The following TASP1 variants were observed in gnomAD, a reference collection of about 807,000 sequenced individuals.
TASP1 encodes taspase 1, also known as threonine aspartase 1.
In TASP1, 16 loss-of-function variants were observed where a neutral mutation model predicts 56.6. The observed-to-expected ratio is 0.28, with a 90% CI of 0.19 to 0.43. The LOEUF is 0.43. Ranked by LOEUF, TASP1 falls within the 20% of genes least tolerant of loss-of-function variation. The probability of loss-of-function intolerance (pLI) is 1.00; values close to 1 mark genes in which losing one functional copy is unlikely to be tolerated. For synonymous variants in TASP1, 179 were observed against 184.2 expected (o/e 0.97, Z 0.23); for missense variants, 393 against 511.6 (o/e 0.77, Z 2.24).
chr20:13,149,343 C>A, the TASP1 span, among the ~76,000 whole-genome samples: 1 of 152,184 alleles, frequency 6.6e-6, no homozygotes, highest in Non-Finnish European at 1.5e-5. Context: ...GGACATGCAC[C>A]AAATATTGCT....
intron 10 of TASP1, among the ~76,000 whole-genome samples, chr20:13,485,018 A>G (rs1359247958): frequency 6.6e-6 from 1 of 152,188 alleles, no homozygotes; most frequent in Non-Finnish European, 1.5e-5. Context: ...ATTAGGAGAA[A>G]TACCTAATGT....
In TASP1 at chr20:13,438,949, CAAT is replaced by C. The variant is rs570777576; in HGVS notation, c.986-3798_986-3796del. On this transcript the variant is annotated intron_variant, in intron 11 of 13. Transcript: ENST00000337743. ...ATTAGAGAAATGCATATCAAAACCACAATGAGACACCATCTCACATCAGTTAGA... is the reference window on the plus strand; with the variant it reads ...ATTAGAGAAATGCATATCAAAACCACGAGACACCATCTCACATCAGTTAGA... Among the ~76,000 whole-genome samples, 51 of 152,288 alleles carry C rather than the reference CAAT, an allele frequency of 3.3e-4. 2 individuals are homozygous for C. The East Asian group carries it at 9.8e-3, about 29-fold the overall frequency.
chr20:13,395,143 T>C (rs938508693), intron 13 of TASP1, among the ~76,000 whole-genome samples: 2 of 152,240 alleles, frequency 1.3e-5, no homozygotes, highest in African/African-American at 2.4e-5. Context: ...AGAGAGATCA[T>C]TGGAGGCATG....
the TASP1 span, among the ~76,000 whole-genome samples, chr20:13,374,737 GT>G: frequency 6.6e-6 from 1 of 152,138 alleles, no homozygotes; most frequent in Non-Finnish European, 1.5e-5. Flanking sequence ...TCTGGGTCTT[GT>G]TTTTGTTGCT....
chr20:13,108,606 G>A, the TASP1 span, among the ~76,000 whole-genome samples: 5 of 152,192 alleles, frequency 3.3e-5, no homozygotes, highest in African/African-American at 1.2e-4. Flanking sequence ...ACAGAGTCTC[G>A]TTCTGTCACC....
At chr20:13,164,056 C>A in the TASP1 span, among the ~76,000 whole-genome samples, 6 of 152,014 alleles carry the variant, frequency 3.9e-5, no homozygotes, top group Non-Finnish European at 8.8e-5. Flanking sequence ...CCTCCCCACT[C>A]CCCCCATCCC....
chr20:13,581,677 C>A (rs112723315), intron 5 of TASP1, among the ~76,000 whole-genome samples: 3,425 of 152,234 alleles, frequency 0.022, 54 homozygotes, highest in Middle Eastern at 0.048. Context: ...TAAACACTGT[C>A]AGGATGACAA....
chr20:13,533,995 T>G, intron 9 of TASP1, 27 bp downstream of exon 9: 1 of 1,589,524 alleles, frequency 6.3e-7, no homozygotes. Context: ...TTTGAAAGGC[T>G]AGTTTAAAAA....
chr20:13,470,903 C>T (rs891063850), intron 11 of TASP1, among the ~76,000 whole-genome samples: 18 of 152,138 alleles, frequency 1.2e-4, no homozygotes, highest in Non-Finnish European at 2.2e-4. Flanking sequence ...AAATACATTG[C>T]AATCCTTTCA....
chr20:13,383,679 T>C, the TASP1 span, among the ~76,000 whole-genome samples: 1 of 152,176 alleles, frequency 6.6e-6, no homozygotes, highest in Non-Finnish European at 1.5e-5. Flanking sequence ...TGAGCCTGCA[T>C]GGAGTAAGAA....
the TASP1 span, among the ~76,000 whole-genome samples, chr20:13,161,306 T>A: frequency 6.6e-6 from 1 of 152,140 alleles, no homozygotes; most frequent in Non-Finnish European, 1.5e-5. Flanking sequence ...TAGAATGAGC[T>A]CAGTCCTAGA....
chr20:13,453,126 AC>A (rs906264376), intron 11 of TASP1, among the ~76,000 whole-genome samples: 6 of 152,110 alleles, frequency 3.9e-5, no homozygotes, highest in African/African-American at 1.4e-4. Context: ...TAATGTAGAG[AC>A]CACTAGATCT....
At chr20:13,241,238 G>A in the TASP1 span, among the ~76,000 whole-genome samples, 4 of 152,130 alleles carry the variant, frequency 2.6e-5, no homozygotes, top group Non-Finnish European at 5.9e-5. Flanking sequence ...TTGGGTAAAG[G>A]AACAAATGGA....
intron 13 of TASP1, among the ~76,000 whole-genome samples, chr20:13,414,923 G>A (rs1178317198): frequency 2.0e-5 from 3 of 151,958 alleles, no homozygotes; most frequent in Non-Finnish European, 4.4e-5. Context: ...TACGCAATAT[G>A]ATTTTTAGCT....
intron 1 of TASP1, among the ~76,000 whole-genome samples, chr20:13,636,168 CAG>C (rs1314280054): frequency 9.4e-6 from 1 of 106,058 alleles, no homozygotes; most frequent in African/African-American, 3.7e-5. Context: ...TTTTTTGAGA[CAG>C]AGTCTCACTC....
At chr20:13,247,629 A>G in the TASP1 span, among the ~76,000 whole-genome samples, 1 of 151,882 alleles carries the variant, frequency 6.6e-6, no homozygotes, top group African/African-American at 2.4e-5. Context: ...AAAACCCACC[A>G]TCTAGGCCTC....
chr20:13,524,358 T>C (rs2044888997), intron 10 of TASP1, among the ~76,000 whole-genome samples: 1 of 152,196 alleles, frequency 6.6e-6, no homozygotes, highest in Admixed American at 6.5e-5. Flanking sequence ...TGAAAAATTA[T>C]GTGTGAATTC....
the TASP1 span, among the ~76,000 whole-genome samples, chr20:13,186,497 T>C: frequency 2.6e-5 from 4 of 152,130 alleles, no homozygotes; most frequent in Non-Finnish European, 5.9e-5. Context: ...GGAAAATAGC[T>C]ACATTACCAG....
chr20:13,187,245 A>G, the TASP1 span, among the ~76,000 whole-genome samples: 1 of 152,172 alleles, frequency 6.6e-6, no homozygotes, highest in Non-Finnish European at 1.5e-5. Flanking sequence ...AAAAATTTCA[A>G]AAGGTAGAAC....
Sources: allele counts gnomAD v4.1 joint callset (sites outside exome capture counted in the v4.1 genomes callset), GRCh38; gene constraint gnomAD v4.1.1; transcripts MANE v1.5; gene names NCBI Gene and HGNC (gene_info 2026-07-23, HGNC 2026-07-21).